The following CTNNA3 variants were observed in gnomAD, a reference collection of about 807,000 sequenced individuals.
CTNNA3 encodes the protein catenin alpha-3.
A neutral mutation model predicts 95.7 loss-of-function variants in CTNNA3; 76 were observed. The ratio of observed to expected loss-of-function variants is 0.79; its 90% CI spans 0.66 to 0.96. The LOEUF (loss-of-function observed/expected upper bound fraction) is 0.96. CTNNA3 is among the 40% of genes least tolerant of loss of function. The pLI, the probability that CTNNA3 is intolerant of heterozygous loss-of-function variation, is 0.00. For missense variants in CTNNA3, 1,191 were observed against 1,089.8 expected, an observed-to-expected ratio of 1.09 and a Z score of -1.31; for synonymous variants, 431 against 374.4, an observed-to-expected ratio of 1.15 and a Z score of -1.74.
chr10:67,184,076 T>A (rs1291524397), intron 6 of CTNNA3, among the ~76,000 whole-genome samples: 1 of 152,188 alleles, frequency 6.6e-6, no homozygotes, highest in Non-Finnish European at 1.5e-5. Context: ...GCACAAGTAT[T>A]ATTGTGATGG....
rs1841111003 is a variant in CTNNA3, at chr10:66,522,750, C to G, written c.1375-1977G>C. On this transcript the variant is annotated intron_variant, in intron 10 of 17. Transcript: ENST00000433211. Reference sequence around the variant, plus strand: ...CTGATGTCTCTGATTTTTAACCCGTCAAACTAGATCCTGTCCACGCACGTT... The same window carrying G: ...CTGATGTCTCTGATTTTTAACCCGTGAAACTAGATCCTGTCCACGCACGTT... 3.5e-5 allele frequency among the ~76,000 whole-genome samples: 5 copies of G among 141,830 alleles called. No homozygotes were observed. The South Asian group carries it at 9.1e-4, about 26-fold the overall frequency. 93.0% of individuals were successfully genotyped at this position (141,830 alleles called of 152,430 possible). A position where few individuals can be genotyped will look rare whatever the true frequency, so the allele number is the denominator to read the frequency against.
intron 1 of CTNNA3, among the ~76,000 whole-genome samples, chr10:67,761,836 C>A (rs1004351892): frequency 2.6e-5 from 4 of 151,170 alleles, no homozygotes; most frequent in African/African-American, 9.8e-5. Flanking sequence ...CGAGATCGCA[C>A]CACTGCACTC....
chr10:66,307,388 T>C (rs1479043489), intron 12 of CTNNA3, among the ~76,000 whole-genome samples: 2 of 152,202 alleles, frequency 1.3e-5, no homozygotes, highest in African/African-American at 4.8e-5. Flanking sequence ...TAAAGGTATA[T>C]TGAAACTTAA....
intron 17 of CTNNA3, among the ~76,000 whole-genome samples, chr10:65,934,790 A>G (rs2077309758): frequency 1.3e-5 from 2 of 152,140 alleles, no homozygotes; most frequent in Non-Finnish European, 2.9e-5. Context: ...CCCTTTAATA[A>G]GTAAAAGATC....
At chr10:67,091,331 G>A (rs934039653) in intron 7 of CTNNA3, among the ~76,000 whole-genome samples, 2 of 151,678 alleles carry the variant, frequency 1.3e-5, no homozygotes, top group Non-Finnish European at 2.9e-5. Context: ...AAGACAGTGT[G>A]ATACATACAC....
rs185422328 is a variant in CTNNA3, at chr10:66,124,720, T to C, written c.1885-21471A>G. Among the ~76,000 whole-genome samples the C allele has an allele frequency of 1.6e-4, 25 of 152,282 alleles. No homozygotes were observed. The East Asian group carries it at 4.5e-3, about 27-fold the overall frequency. ...AAGGAAGAGCACGTCACATCTTACA[T>C]GGATGGAGGCAGGCAAAGAGAGACA... On this transcript the variant is annotated intron_variant, in intron 13 of 17. Transcript: ENST00000433211.
rs1241862664 is a variant in CTNNA3 at position 67,526,361 on chromosome 10, T to TG, written c.460-4401_460-4400insC. Among the ~76,000 whole-genome samples, 82 of 151,748 alleles carry TG rather than the reference T, an allele frequency of 5.4e-4. 1 individual carries two copies. The highest frequency in any genetic ancestry group is 1.1e-3 in the Non-Finnish European group (74 of 67,948). On this transcript the variant is annotated intron_variant, in intron 4 of 17. Coordinates refer to ENST00000433211, the MANE Select transcript of CTNNA3 (RefSeq NM_013266.4). ...CATATCTCAAATGATTTTTTTTTTT[T>TG]TTTTTTTGCTGTAAGGAATGACTAT...
chr10:67,099,260 T>C (rs2131938652), intron 7 of CTNNA3: 1 of 151,872 alleles, frequency 6.6e-6, no homozygotes, highest in Middle Eastern at 3.4e-3. Context: ...GTTTGTGCTG[T>C]TTGCTTGACA....
rs555359262 is a variant in CTNNA3, at chr10:67,637,034, GAGA to G, written c.99+10378_99+10380del. On this transcript the variant is annotated intron_variant, in intron 2 of 17. Transcript: ENST00000433211. ...ATGGAGAATGACTTTGATGAGTTGA[GAGA>G]AGAAGACTTCAGATGATCAAACTTC... is the stretch of plus-strand genomic sequence containing the variant. Among the ~76,000 whole-genome samples the G allele has an allele frequency of 8.9e-3, 1,353 of 152,302 alleles. 25 individuals are homozygous for G. The highest frequency in any genetic ancestry group is 0.03 in the African/African-American group (1,255 of 41,568).
At chr10:66,488,514 G>T (rs996939165) in intron 11 of CTNNA3, among the ~76,000 whole-genome samples, 4 of 152,138 alleles carry the variant, frequency 2.6e-5, no homozygotes, top group African/African-American at 9.7e-5. Flanking sequence ...CAAAGATAAT[G>T]ATAATGGAAT....
chr10:67,629,095 C>T (rs1564793965), intron 2 of CTNNA3, among the ~76,000 whole-genome samples: 1 of 151,620 alleles, frequency 6.6e-6, no homozygotes, highest in African/African-American at 2.4e-5. Context: ...TGATAAAAGA[C>T]TGAAATGATT....
At chr10:66,150,643 G>A (rs1026626055) in intron 13 of CTNNA3, among the ~76,000 whole-genome samples, 1 of 151,758 alleles carries the variant, frequency 6.6e-6, no homozygotes, top group Non-Finnish European at 1.5e-5. Flanking sequence ...TTGTGTTGGG[G>A]TCATTCTAAA....
At chr10:66,707,032 A>G (rs1848140688) in intron 9 of CTNNA3, among the ~76,000 whole-genome samples, 1 of 152,076 alleles carries the variant, frequency 6.6e-6, no homozygotes, top group Non-Finnish European at 1.5e-5. Context: ...AGATATCAAT[A>G]CTAGAAAGAC....
intron 9 of CTNNA3, among the ~76,000 whole-genome samples, chr10:66,725,628 C>T (rs1848757389): frequency 6.6e-6 from 1 of 152,066 alleles, no homozygotes; most frequent in Non-Finnish European, 1.5e-5. Flanking sequence ...GTTACTCCAC[C>T]TTTGAAATCT....
At chr10:67,608,282 G>A (rs1268326809) in intron 2 of CTNNA3, among the ~76,000 whole-genome samples, 3 of 152,142 alleles carry the variant, frequency 2.0e-5, no homozygotes, top group Non-Finnish European at 4.4e-5. Flanking sequence ...AGCCTAAATA[G>A]ACTAATACTG....
chr10:65,987,488 C>T (rs76540155), intron 16 of CTNNA3, among the ~76,000 whole-genome samples: 4,630 of 152,042 alleles, frequency 0.03, 90 homozygotes, highest in Middle Eastern at 0.092. Flanking sequence ...TATCATCTTA[C>T]CCCAATTAAA....
intron 11 of CTNNA3, among the ~76,000 whole-genome samples, chr10:66,484,434 T>C (rs1839654625): frequency 6.6e-6 from 1 of 152,020 alleles, no homozygotes; most frequent in Non-Finnish European, 1.5e-5. Context: ...AACTTGTATA[T>C]TTTAGGATAT....
At chr10:66,465,759 G>T (rs1274505312) in intron 11 of CTNNA3, among the ~76,000 whole-genome samples, 4 of 152,050 alleles carry the variant, frequency 2.6e-5, no homozygotes, top group African/African-American at 9.7e-5. Flanking sequence ...CATTAGTGTG[G>T]TTCCTAACCA....
intron 9 of CTNNA3, among the ~76,000 whole-genome samples, chr10:66,691,776 C>T (rs761767037): frequency 1.3e-5 from 2 of 152,138 alleles, no homozygotes; most frequent in Admixed American, 1.3e-4. Context: ...TCCAGAGGAA[C>T]GATCAGACAG....
Sources: allele counts gnomAD v4.1 joint callset (sites outside exome capture counted in the v4.1 genomes callset), GRCh38; gene constraint gnomAD v4.1.1; transcripts MANE v1.5; gene names NCBI Gene and HGNC (gene_info 2026-07-23, HGNC 2026-07-21).